Variants in NF1 observed in about 807,000 individuals in gnomAD.
NF1 encodes neurofibromin 1, also known as neurofibromin.
Under a neutral mutation model 325.7 loss-of-function variants are expected in NF1, and 122 were observed. That is an observed-to-expected ratio of 0.37 (90% CI 0.32 to 0.44). NF1 has a LOEUF of 0.44. Ranked by LOEUF, NF1 falls within the 20% of genes least tolerant of loss-of-function variation. NF1 has a pLI of 1.00. For missense variants in NF1, 2,140 were observed against 3,415.4 expected, an observed-to-expected ratio of 0.63 and a Z score of 9.31; for synonymous variants, 1,091 against 1,186.0, an observed-to-expected ratio of 0.92 and a Z score of 1.65.
Position 31,130,900 on chromosome 17 carries a change from C to T in NF1, c.61-25083C>T, listed in dbSNP as rs140945751. On this transcript the variant is annotated intron_variant, in intron 1 of 57. Coordinates refer to ENST00000358273, the MANE Select transcript of NF1 (RefSeq NM_001042492.3). ...GGTGGGAGGAGGGTATTGGCAGGCT[C>T]GTGCTTTTCCACAGGGATCACTGTG... Among the ~76,000 whole-genome samples the T allele has an allele frequency of 3.0e-3, 453 of 152,290 alleles. 3 individuals carry two copies. The highest frequency in any genetic ancestry group is 0.011 in the African/African-American group (438 of 41,566).
intron 1 of NF1, among the ~76,000 whole-genome samples, chr17:31,108,772 C>G (rs1167666313): frequency 1.3e-5 from 2 of 152,130 alleles, no homozygotes; most frequent in African/African-American, 4.8e-5. Context: ...AATTAGGAAT[C>G]AGAAGACTTG....
chr17:31,103,904 G>C (rs1225062490), intron 1 of NF1, among the ~76,000 whole-genome samples: 1 of 152,062 alleles, frequency 6.6e-6, no homozygotes, highest in East Asian at 1.9e-4. Context: ...AAGTGTGGTA[G>C]TATATGCTAC....
intron 38 of NF1, among the ~76,000 whole-genome samples, chr17:31,328,280 C>G (rs2069398660): frequency 1.3e-5 from 2 of 152,156 alleles, no homozygotes; most frequent in Admixed American, 6.5e-5. Context: ...TAACAAAATT[C>G]TCAAAATAAA....
intron 24 of NF1, among the ~76,000 whole-genome samples, chr17:31,231,585 C>T (rs1356130850): frequency 6.6e-6 from 1 of 152,096 alleles, no homozygotes; most frequent in African/African-American, 2.4e-5. Context: ...CTATACACAT[C>T]CTCCCATATA....
intron 36 of NF1, among the ~76,000 whole-genome samples, chr17:31,310,408 GAA>G (rs2068838868): frequency 2.6e-5 from 4 of 151,708 alleles, no homozygotes; most frequent in Admixed American, 2.0e-4. Context: ...GTAGATGATT[GAA>G]GTAGGCAAAA....
intron 51 of NF1, among the ~76,000 whole-genome samples, chr17:31,352,833 A>G (rs2070183846): frequency 6.6e-6 from 1 of 152,198 alleles, no homozygotes; most frequent in African/African-American, 2.4e-5. Context: ...CTGTAATAGT[A>G]CTATTTGCCG....
At chr17:31,242,221 C>T (rs1416975206) in intron 29 of NF1, among the ~76,000 whole-genome samples, 1 of 139,524 alleles carries the variant, frequency 7.2e-6, no homozygotes, top group African/African-American at 2.7e-5. Flanking sequence ...AGTTAATCTT[C>T]TTTGGTTTAA....
At position 31,189,527 on chromosome 17, in the gene NF1, C is replaced by T. The variant is rs547169434; in HGVS notation, c.888+6862C>T. ...AAAAAGAAACCCGTTAGTAATCACT[C>T]CCTGTTCCTCTCGCCTCACTCGCAG... is the stretch of plus-strand genomic sequence containing the variant. On this transcript the variant is annotated intron_variant, in intron 8 of 57. Coordinates refer to ENST00000358273, the MANE Select transcript of NF1 (RefSeq NM_001042492.3). Among the ~76,000 whole-genome samples the T allele has an allele frequency of 2.6e-5, 4 of 152,192 alleles. No homozygotes were observed. The South Asian group carries it at 8.3e-4, about 32-fold the overall frequency.
In NF1 at chr17:31,235,486, C is replaced by T. The variant is rs2067182946; in HGVS notation, c.3709-125C>T. 4 of 890,876 alleles carry T rather than the reference C, an allele frequency of 4.5e-6. No homozygotes were observed. The South Asian group carries it at 5.3e-5, about 12-fold the overall frequency. 55.2% of individuals were successfully genotyped at this position (890,876 alleles called of 1,614,324 possible). A position where few individuals can be genotyped will look rare whatever the true frequency, so the allele number is the denominator to read the frequency against. On this transcript the variant is annotated intron_variant, in intron 27 of 57. Coordinates refer to ENST00000358273, the MANE Select transcript of NF1 (RefSeq NM_001042492.3). ...AATCTCAGGATAAATATTAATCAGT[C>T]ATCATTTGCCTTAATTTAGCAAGTG...
At chr17:31,230,078 CT>C in intron 22 of NF1, 104 bp downstream of exon 22, 1 of 1,488,120 alleles carries the variant, frequency 6.7e-7, no homozygotes. Context: ...CCATTCTTTA[CT>C]GCACACAAAC....
At position 31,164,337 on chromosome 17, in the gene NF1, A is replaced by T. The variant is rs141768763; in HGVS notation, c.479+961A>T. On this transcript the variant is annotated intron_variant, in intron 4 of 57. Transcript: ENST00000358273. Reference sequence around the variant, plus strand: ...GCATTAGTTGTGATATGCTACCTACAGGTGGAGAAATTAGTATAGGTAGTG... The same window carrying T: ...GCATTAGTTGTGATATGCTACCTACTGGTGGAGAAATTAGTATAGGTAGTG... Among the ~76,000 whole-genome samples, 1,022 of 152,346 alleles carry T rather than the reference A, an allele frequency of 6.7e-3. 16 individuals carry two copies. Among genetic ancestry groups the T allele is most frequent in the African/African-American group, 0.023 (957 of 41,572 alleles).
At position 31,377,244 on chromosome 17, in the gene NF1, C is replaced by T; in HGVS notation, c.*3089C>T. On this transcript the variant is annotated 3_prime_UTR_variant, in exon 58 of 58. Transcript: ENST00000358273. ...AAATTTGACAAAAAAAGTATATTTACTATACTGTAAATATATGTGATGATA... is the reference window on the plus strand; with the variant it reads ...AAATTTGACAAAAAAAGTATATTTATTATACTGTAAATATATGTGATGATA... 4.3e-6 allele frequency: 1 copy of T among 233,222 alleles called. No individual in the cohort carries two copies. Among genetic ancestry groups the T allele is most frequent in the Non-Finnish European group, 8.5e-6 (1 of 117,910 alleles). The allele number at this position is 233,222 out of a possible 1,614,324, so 14.4% of individuals were successfully genotyped here.
At chr17:31,164,502 T>G (rs561151339) in intron 4 of NF1, among the ~76,000 whole-genome samples, 1 of 152,348 alleles carries the variant, frequency 6.6e-6, no homozygotes, top group African/African-American at 2.4e-5. Flanking sequence ...ATTTAGTGAT[T>G]CGTGAATCGA....
intron 17 of NF1, 113 bp downstream of exon 17, chr17:31,225,363 G>T: frequency 8.4e-7 from 1 of 1,193,478 alleles, no homozygotes; most frequent in East Asian, 2.4e-5. Context: ...AAACTGCTTA[G>T]AATCTAGTTC....
chr17:31,304,655 C>G, intron 36 of NF1: 1 of 1,614,152 alleles, frequency 6.2e-7, no homozygotes. Flanking sequence ...TCAGCACTAT[C>G]TTCTGATGTA....
At chr17:31,155,957 G>A (rs766376354) in intron 1 of NF1, 26 bp from the exon 2 acceptor site, 35 of 1,604,172 alleles carry the variant, frequency 2.2e-5, no homozygotes, top group African/African-American at 5.4e-5. Context: ...AGCTGTTAAC[G>A]TGTTTTTTTT....
chr17:31,371,520 A>G (rs1385153665), intron 57 of NF1, among the ~76,000 whole-genome samples: 2 of 152,200 alleles, frequency 1.3e-5, no homozygotes, highest in Non-Finnish European at 2.9e-5. Flanking sequence ...TTCTTTTGTA[A>G]ATAGCTCTGG....
chr17:31,299,321 T>TA (rs2068528012), intron 36 of NF1, among the ~76,000 whole-genome samples: 1 of 151,810 alleles, frequency 6.6e-6, no homozygotes, highest in Admixed American at 6.6e-5. Context: ...TGAAATAAAA[T>TA]AATACTGTAT....
intron 4 of NF1, among the ~76,000 whole-genome samples, chr17:31,168,978 A>C (rs187944258): frequency 6.6e-6 from 1 of 152,322 alleles, no homozygotes; most frequent in East Asian, 1.9e-4. Context: ...TAGGGAATGC[A>C]GGATACAGAC....
Sources: allele counts gnomAD v4.1 joint callset (sites outside exome capture counted in the v4.1 genomes callset), GRCh38; gene constraint gnomAD v4.1.1; transcripts MANE v1.5; gene names NCBI Gene and HGNC (gene_info 2026-07-23, HGNC 2026-07-21).